FANCC: variants seen among roughly 807,000 people sequenced by gnomAD.
FANCC encodes FA complementation group C.
In FANCC, 55 loss-of-function variants were observed where a neutral mutation model predicts 71.3. The ratio of observed to expected loss-of-function variants is 0.77; its 90% confidence interval spans 0.62 to 0.97. The LOEUF (loss-of-function observed/expected upper bound fraction) is 0.97. FANCC is among the 50% of genes least tolerant of loss of function. The probability of loss-of-function intolerance (pLI) is 0.00; values close to 1 mark genes in which losing one functional copy is unlikely to be tolerated. For missense variants in FANCC, 678 were observed against 670.9 expected, an observed-to-expected ratio of 1.01 and a Z score of -0.12; for synonymous variants, 275 against 244.9, an observed-to-expected ratio of 1.12 and a Z score of -1.15.
intron 5 of FANCC, among the ~76,000 whole-genome samples, 162 bp from the exon 6 acceptor site, chr9:95,171,305 T>A (rs891605117): frequency 7.2e-5 from 11 of 152,182 alleles, no homozygotes; most frequent in Admixed American, 2.0e-4. Flanking sequence ...CATGTCACAT[T>A]TACTAATAAT....
intron 8 of FANCC, among the ~76,000 whole-genome samples, chr9:95,128,800 C>T (rs1224604079): frequency 6.6e-6 from 1 of 152,228 alleles, no homozygotes; most frequent in Admixed American, 6.5e-5. Flanking sequence ...TGGCTACTCT[C>T]AGCCTGCTTC....
chr9:95,184,899 G>A (rs958398262), intron 4 of FANCC, among the ~76,000 whole-genome samples: 9 of 152,226 alleles, frequency 5.9e-5, no homozygotes, highest in African/African-American at 1.7e-4. Context: ...ACCAAGTACA[G>A]TAAAGCTAAT....
chr9:95,292,365 G>A, intron 1 of FANCC: 1 of 995,482 alleles, frequency 1.0e-6, no homozygotes, highest in Non-Finnish European at 1.2e-6. Context: ...GGTGGCGGCG[G>A]CGGGGTCCAC....
chr9:95,110,869 C>A, intron 13 of FANCC: 1 of 1,198,972 alleles, frequency 8.3e-7, no homozygotes, highest in Non-Finnish European at 1.0e-6. Flanking sequence ...CTGTCTTTGC[C>A]ACAGACAGTT....
intron 6 of FANCC, among the ~76,000 whole-genome samples, chr9:95,165,665 T>C (rs1831023560): frequency 6.6e-6 from 1 of 152,122 alleles, no homozygotes; most frequent in East Asian, 1.9e-4. Context: ...TTCAGTCTTC[T>C]TAAATTTGTT....
intron 4 of FANCC, among the ~76,000 whole-genome samples, chr9:95,206,554 A>AT (rs150326756): frequency 6.6e-5 from 10 of 152,326 alleles, no homozygotes; most frequent in African/African-American, 2.4e-4. Flanking sequence ...TACGCTTTCA[A>AT]TTTTCACAAA....
chr9:95,104,065 A>G (rs997938950), intron 14 of FANCC, among the ~76,000 whole-genome samples: 5 of 152,090 alleles, frequency 3.3e-5, no homozygotes, highest in Non-Finnish European at 5.9e-5. Context: ...CAAAGCAACC[A>G]TCTGGCCACC....
chr9:95,168,321 G>A (rs914772997), intron 6 of FANCC, among the ~76,000 whole-genome samples: 12 of 152,132 alleles, frequency 7.9e-5, no homozygotes, highest in African/African-American at 2.9e-4. Context: ...CAATTCTGTT[G>A]AGCTATGCCA....
chr9:95,154,543 T>C (rs2135470603), intron 6 of FANCC, among the ~76,000 whole-genome samples: 1 of 152,346 alleles, frequency 6.6e-6, no homozygotes, highest in East Asian at 1.9e-4. Flanking sequence ...CTACATTATC[T>C]GCATACATAA....
chr9:95,122,019 G>A (rs1205405986), intron 10 of FANCC, among the ~76,000 whole-genome samples: 5 of 151,800 alleles, frequency 3.3e-5, no homozygotes, highest in African/African-American at 7.3e-5. Flanking sequence ...CACCATGCCC[G>A]GCGAATTTTT....
At chr9:95,247,354 G>T in intron 3 of FANCC, 78 bp downstream of exon 3, 2 of 1,040,034 alleles carry the variant, frequency 1.9e-6, no homozygotes, top group Non-Finnish European at 1.5e-6. Context: ...CTAGGAGAAA[G>T]GTTCATAATG....
chr9:95,159,856 C>A (rs1830648026), intron 6 of FANCC, among the ~76,000 whole-genome samples: 1 of 152,006 alleles, frequency 6.6e-6, no homozygotes, highest in South Asian at 2.1e-4. Flanking sequence ...TATTTTTTGC[C>A]CAATTTTTGA....
intron 6 of FANCC, among the ~76,000 whole-genome samples, chr9:95,158,913 G>C (rs1398290484): frequency 1.3e-5 from 2 of 152,148 alleles, no homozygotes; most frequent in Non-Finnish European, 2.9e-5. Flanking sequence ...CTAGTCAAGA[G>C]AAAATAAGAT....
In FANCC at chr9:95,143,974, C is replaced by T. The variant is rs550201713; in HGVS notation, c.686+5949G>A. Among the ~76,000 whole-genome samples the T allele has an allele frequency of 2.0e-5, 3 of 152,334 alleles. No individual in the cohort carries two copies. The East Asian group carries it at 5.8e-4, about 29-fold the overall frequency. Reference sequence around the variant, plus strand: ...GACCACTGCTGAAAATATATGACTGCATTTGGAAGCCAAGACCAAAGACAC... The same window carrying T: ...GACCACTGCTGAAAATATATGACTGTATTTGGAAGCCAAGACCAAAGACAC... On this transcript the variant is annotated intron_variant, in intron 7 of 14. Transcript: ENST00000289081.
intron 13 of FANCC, among the ~76,000 whole-genome samples, chr9:95,107,739 AACAC>A (rs937313912): frequency 6.6e-6 from 1 of 151,778 alleles, no homozygotes; most frequent in Non-Finnish European, 1.5e-5. Flanking sequence ...GGTCGGGGGG[AACAC>A]ACACACATGC....
chr9:95,155,370 G>A, intron 6 of FANCC, among the ~76,000 whole-genome samples: 1 of 132,924 alleles, frequency 7.5e-6, no homozygotes. Context: ...AGGGAGGGAG[G>A]GAGGAAAAAG....
chr9:95,226,876 C>T (rs1564771815), intron 4 of FANCC, among the ~76,000 whole-genome samples: 1 of 152,166 alleles, frequency 6.6e-6, no homozygotes, highest in Non-Finnish European at 1.5e-5. Context: ...ATAGTGGCCA[C>T]ATCTCAAGGA....
chr9:95,290,385 C>T (rs1478116463), intron 1 of FANCC, among the ~76,000 whole-genome samples: 2 of 152,196 alleles, frequency 1.3e-5, no homozygotes, highest in Admixed American at 1.3e-4. Context: ...AGCAATATCA[C>T]TATTCCATTG....
chr9:95,111,750 G>T, intron 12 of FANCC, 113 bp from the exon 13 acceptor site: 3 of 1,202,662 alleles, frequency 2.5e-6, no homozygotes, highest in Non-Finnish European at 3.7e-6. Context: ...CTTATCCACT[G>T]AAGTGCAACC....
Sources: allele counts gnomAD v4.1 joint callset (sites outside exome capture counted in the v4.1 genomes callset), GRCh38; gene constraint gnomAD v4.1.1; transcripts MANE v1.5; gene names NCBI Gene and HGNC (gene_info 2026-07-23, HGNC 2026-07-21).